Variants in FAM171A1 observed in about 807,000 individuals in gnomAD.
FAM171A1 encodes the protein protein FAM171A1.
In FAM171A1, 23 loss-of-function variants were observed where a neutral mutation model predicts 74.9. The observed-to-expected ratio is 0.31, with a 90% confidence interval of 0.22 to 0.44. FAM171A1 has a LOEUF of 0.44. FAM171A1 is among the 20% of genes least tolerant of loss of function. The probability of loss-of-function intolerance (pLI) is 1.00; values close to 1 mark genes in which losing one functional copy is unlikely to be tolerated. For missense variants in FAM171A1, 1,162 were observed against 1,159.2 expected, an observed-to-expected ratio of 1.00 and a Z score of -0.03; for synonymous variants, 527 against 505.7, an observed-to-expected ratio of 1.04 and a Z score of -0.57.
At position 15,273,430 on chromosome 10, in the gene FAM171A1, C is replaced by T. The variant is rs187755652; in HGVS notation, c.418+2425G>A. ...CTACCAACCAAAGAAAGTCCAGGAC[C>T]AGACGAATTCACAGACGAATTCTAC... On this transcript the variant is annotated intron_variant, in intron 3 of 7. Coordinates refer to ENST00000378116, the MANE Select transcript of FAM171A1 (RefSeq NM_001010924.2). Among the ~76,000 whole-genome samples the T allele has an allele frequency of 2.5e-4, 38 of 152,254 alleles. No homozygotes were observed. In the East Asian group the frequency reaches 6.9e-3, roughly 28 times the overall value.
At chr10:15,228,742 A>G (rs1282750965) in intron 5 of FAM171A1, among the ~76,000 whole-genome samples, 1 of 152,246 alleles carries the variant, frequency 6.6e-6, no homozygotes, top group East Asian at 1.9e-4. Context: ...TGGACCATAC[A>G]GATGACTTCC....
chr10:15,238,335 A>G (rs1046204114), intron 5 of FAM171A1, among the ~76,000 whole-genome samples: 12 of 152,212 alleles, frequency 7.9e-5, no homozygotes, highest in African/African-American at 2.9e-4. Flanking sequence ...TATCCCACAT[A>G]CAGCCCAGAC....
chr10:15,264,592 C>T (rs555363947), intron 3 of FAM171A1, among the ~76,000 whole-genome samples: 1 of 151,600 alleles, frequency 6.6e-6, no homozygotes, highest in South Asian at 2.1e-4. Flanking sequence ...TGAGACTAAC[C>T]TGGGCAACAT....
At chr10:15,342,450 C>T (rs1835775525) in intron 1 of FAM171A1, among the ~76,000 whole-genome samples, 1 of 152,128 alleles carries the variant, frequency 6.6e-6, no homozygotes, top group South Asian at 2.1e-4. Flanking sequence ...CTCCTGTAGT[C>T]TCAGCTACTT....
chr10:15,363,142 C>T (rs1177555191), intron 1 of FAM171A1, among the ~76,000 whole-genome samples: 4 of 152,034 alleles, frequency 2.6e-5, no homozygotes, highest in East Asian at 1.9e-4. Flanking sequence ...TTAGAGGAGA[C>T]GATTTGAACT....
chr10:15,366,748 T>C (rs1409724989), intron 1 of FAM171A1, among the ~76,000 whole-genome samples: 1 of 152,244 alleles, frequency 6.6e-6, no homozygotes, highest in Non-Finnish European at 1.5e-5. Context: ...GTCTATCCAG[T>C]TTATTTCCAT....
chr10:15,221,885 T>C (rs904851223), intron 5 of FAM171A1, among the ~76,000 whole-genome samples: 4 of 152,214 alleles, frequency 2.6e-5, no homozygotes, highest in African/African-American at 9.6e-5. Flanking sequence ...CTGCATTTCC[T>C]AGAAACCTTC....
chr10:15,360,138 G>A (rs921053105), intron 1 of FAM171A1, among the ~76,000 whole-genome samples: 9 of 152,108 alleles, frequency 5.9e-5, no homozygotes, highest in Non-Finnish European at 1.0e-4. Flanking sequence ...CTGCTATGTT[G>A]CACAGGGTAG....
intron 3 of FAM171A1, among the ~76,000 whole-genome samples, chr10:15,261,629 G>A (rs939342041): frequency 6.6e-6 from 1 of 152,200 alleles, no homozygotes; most frequent in South Asian, 2.1e-4. Context: ...AGCTGTCCAG[G>A]AGAAAAGCAG....
intron 1 of FAM171A1, among the ~76,000 whole-genome samples, chr10:15,324,969 G>A (rs1253763711): frequency 6.6e-6 from 1 of 152,188 alleles, no homozygotes; most frequent in East Asian, 1.9e-4. Flanking sequence ...CCAACAAAAT[G>A]GAAAAGGCAA....
At chr10:15,232,511 T>G (rs572755467) in intron 5 of FAM171A1, among the ~76,000 whole-genome samples, 6 of 152,210 alleles carry the variant, frequency 3.9e-5, no homozygotes, top group South Asian at 2.1e-4. Context: ...CAATAAATAT[T>G]TGCTGACCGA....
chr10:15,221,131 A>G (rs1834034476), intron 5 of FAM171A1, 71 bp from the exon 6 acceptor site: 2 of 1,304,928 alleles, frequency 1.5e-6, no homozygotes, highest in Non-Finnish European at 2.2e-6. Context: ...GCATATTGTA[A>G]AAGTCATCTT....
chr10:15,282,455 C>T (rs1331973992), intron 2 of FAM171A1, among the ~76,000 whole-genome samples: 3 of 152,180 alleles, frequency 2.0e-5, no homozygotes, highest in Admixed American at 1.3e-4. Flanking sequence ...TACTATTGAT[C>T]GGTTCATGAA....
intron 3 of FAM171A1, among the ~76,000 whole-genome samples, chr10:15,260,554 C>T (rs1030552440): frequency 2.0e-5 from 3 of 152,210 alleles, no homozygotes; most frequent in African/African-American, 7.2e-5. Flanking sequence ...CCCATTTCCT[C>T]TTCCCATTAT....
At chr10:15,363,939 G>T (rs1235464815) in intron 1 of FAM171A1, among the ~76,000 whole-genome samples, 4 of 151,992 alleles carry the variant, frequency 2.6e-5, no homozygotes, top group Non-Finnish European at 5.9e-5. Flanking sequence ...AATGGCCCTG[G>T]GCCCTGGAGC....
intron 1 of FAM171A1, among the ~76,000 whole-genome samples, chr10:15,349,416 A>T (rs1261373487): frequency 6.6e-6 from 1 of 152,242 alleles, no homozygotes; most frequent in Admixed American, 6.5e-5. Context: ...ATCGATGAAT[A>T]TCACTTAAAA....
Position 15,213,782 on chromosome 10 carries a change from G to C in FAM171A1, c.1806C>G (p.Val602=), listed in dbSNP as rs1457985390. ...GDHSYVSQPL[V]VPADQQLEIE... is the part of the protein sequence containing the mutation. Reference sequence around the variant, plus strand: ...TCTCAAGCTGCTGATCAGCCGGGACGACGAGGGGCTGGCTGACATAGGAGT... The same window carrying C: ...TCTCAAGCTGCTGATCAGCCGGGACCACGAGGGGCTGGCTGACATAGGAGT... Residue 602 remains valine (V), a synonymous_variant, in exon 8 of 8, where the codon GTC becomes GTG. Coordinates refer to ENST00000378116, the MANE Select transcript of FAM171A1 (RefSeq NM_001010924.2). This position sits in a 1 kb window ranked among gnomAD's most constrained non-coding sequence, Gnocchi z 6.8. 3 of 1,614,148 alleles carry C rather than the reference G, an allele frequency of 1.9e-6. No homozygotes were observed. The highest frequency in any genetic ancestry group is 1.3e-5 in the African/African-American group (1 of 75,046).
chr10:15,332,567 T>C (rs1262259413), intron 1 of FAM171A1, among the ~76,000 whole-genome samples: 1 of 152,196 alleles, frequency 6.6e-6, no homozygotes, highest in Non-Finnish European at 1.5e-5. Flanking sequence ...GAAGCAACGA[T>C]AGAAATAAAA....
intron 1 of FAM171A1, among the ~76,000 whole-genome samples, chr10:15,285,189 C>G (rs551806458): frequency 4.6e-5 from 7 of 152,268 alleles, no homozygotes; most frequent in African/African-American, 1.7e-4. Context: ...TGAGGGGGAA[C>G]AGCATGTGTG....
Sources: allele counts gnomAD v4.1 joint callset (sites outside exome capture counted in the v4.1 genomes callset), GRCh38; gene constraint gnomAD v4.1.1; non-coding constraint Gnocchi (gnomAD v3.1); transcripts MANE v1.5; gene names NCBI Gene and HGNC (gene_info 2026-07-23, HGNC 2026-07-21).